RBFOX1: variants seen among roughly 807,000 people sequenced by gnomAD.
The protein encoded by RBFOX1 is RNA binding protein fox-1 homolog 1.
In RBFOX1, 8 loss-of-function variants were observed where a neutral mutation model predicts 57.7. The ratio of observed to expected loss-of-function variants is 0.14; its 90% CI spans 0.08 to 0.25. The LOEUF (loss-of-function observed/expected upper bound fraction) is 0.25. Ranked by LOEUF, RBFOX1 falls within the 10% of genes least tolerant of loss-of-function variation. The probability of loss-of-function intolerance (pLI) is 1.00; values close to 1 mark genes in which losing one functional copy is unlikely to be tolerated. For synonymous variants in RBFOX1, 326 were observed against 222.4 expected (o/e 1.47, Z -4.15); for missense variants, 611 against 548.5 (o/e 1.11, Z -1.14).
At chr16:7,054,190 C>T (rs567121515) in intron 4 of RBFOX1, among the ~76,000 whole-genome samples, 3 of 99,940 alleles carry the variant, frequency 3.0e-5, no homozygotes, top group Non-Finnish European at 5.3e-5. Context: ...GAAAACTTCC[C>T]TTATTAAGGT....
At chr16:5,562,703 G>A (rs1188761991) in intron 2 of RBFOX1, among the ~76,000 whole-genome samples, 3 of 152,076 alleles carry the variant, frequency 2.0e-5, no homozygotes, top group Non-Finnish European at 2.9e-5. Flanking sequence ...CCCTGCTTCT[G>A]GTATGGGTGC....
intron 3 of RBFOX1, among the ~76,000 whole-genome samples, chr16:5,647,305 T>A (rs952644662): frequency 2.0e-5 from 3 of 152,346 alleles, no homozygotes; most frequent in East Asian, 1.9e-4. Context: ...TAGTTCTACA[T>A]CTGCTTAATG....
At chr16:7,453,928 G>C (rs2057940486) in intron 4 of RBFOX1, among the ~76,000 whole-genome samples, 1 of 152,168 alleles carries the variant, frequency 6.6e-6, no homozygotes, top group South Asian at 2.1e-4. Context: ...TCTTCTGGTA[G>C]GGGGATTAAG....
chr16:6,387,789 G>GACCA (rs2152927367), intron 2 of RBFOX1, among the ~76,000 whole-genome samples: 1 of 151,984 alleles, frequency 6.6e-6, no homozygotes, highest in South Asian at 2.1e-4. Flanking sequence ...TTTTCCCTCT[G>GACCA]GTGATCATTC....
At chr16:7,575,145 C>CT (rs906707167) in intron 5 of RBFOX1, among the ~76,000 whole-genome samples, 2 of 151,858 alleles carry the variant, frequency 1.3e-5, no homozygotes, top group African/African-American at 4.8e-5. Flanking sequence ...ATTAATTATC[C>CT]TTTTTTTGAG....
intron 14 of RBFOX1, among the ~76,000 whole-genome samples, chr16:7,681,977 C>G (rs2074879251): frequency 6.6e-6 from 1 of 152,132 alleles, no homozygotes; most frequent in South Asian, 2.1e-4. Context: ...CAGTATCTCC[C>G]AAGGCCAGTT....
Position 7,243,906 on chromosome 16 carries a change from C to A in RBFOX1, c.27+191808C>A, listed in dbSNP as rs536624237. ...AATCTGGGATTTCACATAATCAAAA[C>A]TCTTAATTTCTAATGGATTTAAGAG... On this transcript the variant is annotated intron_variant, in intron 4 of 15. Transcript: ENST00000550418. Among the ~76,000 whole-genome samples, 6 of 152,190 alleles carry A rather than the reference C, an allele frequency of 3.9e-5. No individual in the cohort carries two copies. The South Asian group carries it at 1.2e-3, about 32-fold the overall frequency.
chr16:6,586,249 C>T (rs1328081484), intron 2 of RBFOX1, among the ~76,000 whole-genome samples: 1 of 152,120 alleles, frequency 6.6e-6, no homozygotes, highest in African/African-American at 2.4e-5. Context: ...GTGTGAAAAC[C>T]AACAATTTCT....
intron 5 of RBFOX1, among the ~76,000 whole-genome samples, chr16:7,553,854 G>C (rs944193803): frequency 2.0e-5 from 3 of 152,226 alleles, no homozygotes; most frequent in Non-Finnish European, 4.4e-5. Flanking sequence ...TTTAACCTCA[G>C]CTAAGTCTAG....
At chr16:7,615,429 TG>T (rs552646278) in intron 10 of RBFOX1, among the ~76,000 whole-genome samples, 62 of 152,302 alleles carry the variant, frequency 4.1e-4, no homozygotes, top group Non-Finnish European at 8.1e-4. Flanking sequence ...TTTACATATA[TG>T]TACGTAAATT....
At chr16:5,932,596 AAAAC>A (rs1402574328) in intron 4 of RBFOX1, among the ~76,000 whole-genome samples, 2 of 152,164 alleles carry the variant, frequency 1.3e-5, no homozygotes, top group African/African-American at 4.8e-5. Context: ...GCAGCAATAG[AAAAC>A]AAACACACTC....
chr16:7,056,530 C>T (rs2052333436), intron 4 of RBFOX1, among the ~76,000 whole-genome samples: 1 of 152,096 alleles, frequency 6.6e-6, no homozygotes, highest in African/African-American at 2.4e-5. Context: ...TCAACATTTA[C>T]CTCTCCAGCA....
At chr16:5,454,850 TTTCTTTTCTTTCTTTC>T (rs1210861444) in intron 1 of RBFOX1, among the ~76,000 whole-genome samples, 2,087 of 121,682 alleles carry the variant, frequency 0.017, 44 homozygotes, top group African/African-American at 0.034. Flanking sequence ...CCTTTCTTTC[TTTCTTTTCTTTCTTTC>T]TTTCTTTCTT....
At chr16:7,474,042 A>G (rs969020485) in intron 4 of RBFOX1, among the ~76,000 whole-genome samples, 1 of 152,066 alleles carries the variant, frequency 6.6e-6, no homozygotes, top group Non-Finnish European at 1.5e-5. Context: ...TGGTCCCAGC[A>G]CTTTGGGAGG....
At chr16:7,015,867 G>A (rs912454108) in intron 3 of RBFOX1, among the ~76,000 whole-genome samples, 1 of 151,556 alleles carries the variant, frequency 6.6e-6, no homozygotes, top group African/African-American at 2.4e-5. Flanking sequence ...AATTTACTTG[G>A]CTTTAATTAC....
rs148414535 is a variant in RBFOX1, at chr16:5,769,310, T to C, written c.319-97993T>C. On this transcript the variant is annotated intron_variant, in intron 3 of 19. Transcript: ENST00000641259. ...TCAAGTAAAAATCAGGTCATTAGGG[T>C]GGGCCCTAATCCAGTATGACTGGTG... 4.3e-3 allele frequency among the ~76,000 whole-genome samples: 659 copies of C among 151,902 alleles called. 8 individuals are homozygous for C. The highest frequency in any genetic ancestry group is 0.015 in the African/African-American group (632 of 41,450).
Position 5,999,888 on chromosome 16 carries a change from AAAAAAAAAAAAAAAAAAAAG to A in RBFOX1, c.351+132555_351+132574del, listed in dbSNP as rs1470925555. 5.6e-3 allele frequency among the ~76,000 whole-genome samples: 440 copies of A among 79,072 alleles called. 26 individuals carry two copies. The highest frequency in any genetic ancestry group is 0.016 in the African/African-American group (375 of 23,868). 51.9% of individuals were successfully genotyped at this position (79,072 alleles called of 152,430 possible). A position where few individuals can be genotyped will look rare whatever the true frequency, so the allele number is the denominator to read the frequency against. The stretch of plus-strand genomic sequence containing the variant: ...ACCTCAAAAAAAAAAAAAAAAAAAA[AAAAAAAAAAAAAAAAAAAAG>A]AGTGAAGAAGGGAAATCAGACAAGG... On this transcript the variant is annotated intron_variant, in intron 4 of 19. Transcript: ENST00000641259.
chr16:6,351,723 T>A (rs1291314648), intron 2 of RBFOX1, among the ~76,000 whole-genome samples: 2 of 152,194 alleles, frequency 1.3e-5, no homozygotes, highest in Non-Finnish European at 2.9e-5. Flanking sequence ...AGTGTGTAAT[T>A]ATATGTATGC....
At position 6,019,099 on chromosome 16, in the gene RBFOX1, A is replaced by G; in HGVS notation, c.-1020A>G. The G allele has an allele frequency of 1.0e-6, 1 of 984,748 alleles. No homozygotes were observed. Among genetic ancestry groups the G allele is most frequent in the Non-Finnish European group, 1.2e-6 (1 of 829,830 alleles). 61.0% of individuals were successfully genotyped at this position (984,748 alleles called of 1,614,324 possible). A position where few individuals can be genotyped will look rare whatever the true frequency, so the allele number is the denominator to read the frequency against. ...CACACACACACAGACACACACGCAC[A>G]CACACACATGCACACATTTTCTCGC... On this transcript the variant is annotated 5_prime_UTR_variant, in exon 1 of 16. Coordinates refer to ENST00000550418, the MANE Select transcript of RBFOX1 (RefSeq NM_018723.4). This position sits in a 1 kb window ranked among gnomAD's most constrained non-coding sequence, Gnocchi z 4.2.
Sources: gnomAD v4.1 joint callset for allele counts (sites outside exome capture counted in the v4.1 genomes callset) on GRCh38, gnomAD v4.1.1 for gene constraint, Gnocchi (gnomAD v3.1) non-coding constraint, MANE v1.5 for transcripts, NCBI Gene and HGNC (gene_info 2026-07-23, HGNC 2026-07-21) for gene names.